NXPE2: variants seen among roughly 807,000 people sequenced by gnomAD.
The protein encoded by NXPE2 is neurexophilin and PC-esterase domain family member 2.
Under a neutral mutation model 34.4 loss-of-function variants are expected in NXPE2, and 34 were observed. The observed-to-expected ratio is 0.99, with a 90% confidence interval of 0.75 to 1.31. The LOEUF is 1.31. Ranked by LOEUF, NXPE2 falls within the 40% of genes most tolerant of loss-of-function variation. The pLI is 0.00. For synonymous variants in NXPE2, 235 were observed against 231.3 expected (o/e 1.02, Z -0.15); for missense variants, 649 against 672.5 (o/e 0.97, Z 0.39).
intron 3 of NXPE2, among the ~76,000 whole-genome samples, chr11:114,699,765 T>C (rs753922218): frequency 2.0e-5 from 3 of 151,366 alleles, no homozygotes; most frequent in Non-Finnish European, 4.4e-5. Context: ...TCTGCGAGCA[T>C]TAAGTGTTAA....
the NXPE2 span, among the ~76,000 whole-genome samples, chr11:114,565,785 G>A: frequency 2.0e-5 from 3 of 152,128 alleles, no homozygotes; most frequent in African/African-American, 7.2e-5. Context: ...AGCTCAGTCT[G>A]GCTACTAGGC....
At chr11:114,810,737 G>T in the NXPE2 span, among the ~76,000 whole-genome samples, 10 of 152,168 alleles carry the variant, frequency 6.6e-5, no homozygotes, top group African/African-American at 2.4e-4. Flanking sequence ...CACATTGTTG[G>T]TGGGACTATA....
the NXPE2 span, among the ~76,000 whole-genome samples, chr11:114,799,476 A>T: frequency 2.0e-5 from 3 of 152,314 alleles, no homozygotes; most frequent in South Asian, 6.2e-4. Flanking sequence ...TGAGATGGTG[A>T]TGAAGTGTGA....
the NXPE2 span, among the ~76,000 whole-genome samples, chr11:114,727,387 G>T: frequency 1.3e-5 from 2 of 151,842 alleles, no homozygotes; most frequent in African/African-American, 2.4e-5. Flanking sequence ...CATTCATGAG[G>T]GCTCTGTCCT....
At chr11:114,581,967 C>T in the NXPE2 span, among the ~76,000 whole-genome samples, 1 of 152,146 alleles carries the variant, frequency 6.6e-6, no homozygotes, top group South Asian at 2.1e-4. Context: ...TACAGTTACC[C>T]AGAAGGTATG....
chr11:114,776,645 T>G, the NXPE2 span, among the ~76,000 whole-genome samples: 1 of 152,216 alleles, frequency 6.6e-6, no homozygotes, highest in African/African-American at 2.4e-5. Flanking sequence ...GGTGTTCCCT[T>G]TTTCCTTAAC....
chr11:114,679,712 T>C lies in NXPE2; in HGVS notation c.82T>C (p.Phe28Leu). 6.4e-7 allele frequency: 1 copy of C among 1,550,504 alleles called. No individual in the cohort carries two copies. ...TCGAAAATTACTGCTGATGTTGACA[T>C]TTATCTTAATTTTCTGGATCATTTA... ...IARKLLLMLT[F>L]ILIFWIIYLA... Residue 28 changes from phenylalanine to leucine, a missense_variant, in exon 2 of 6, where the codon TTT becomes CTT. Physicochemically the swap from Phe to Leu is conservative, Grantham distance 22. Transcript: ENST00000389586.
chr11:114,790,179 C>T, the NXPE2 span, among the ~76,000 whole-genome samples: 1 of 152,136 alleles, frequency 6.6e-6, no homozygotes, highest in Non-Finnish European at 1.5e-5. Flanking sequence ...CCTAATAGGG[C>T]TCAGCTAAGC....
At chr11:114,566,986 G>A in the NXPE2 span, among the ~76,000 whole-genome samples, 2 of 152,156 alleles carry the variant, frequency 1.3e-5, no homozygotes, top group African/African-American at 4.8e-5. Flanking sequence ...CCTGTATAGT[G>A]AGCACTTTGC....
chr11:114,557,206 T>C, the NXPE2 span, among the ~76,000 whole-genome samples: 1 of 152,170 alleles, frequency 6.6e-6, no homozygotes, highest in Non-Finnish European at 1.5e-5. Flanking sequence ...CTTTTTGACC[T>C]CTTGTGTATT....
the NXPE2 span, among the ~76,000 whole-genome samples, chr11:114,800,311 T>G: frequency 6.6e-6 from 1 of 152,236 alleles, no homozygotes; most frequent in African/African-American, 2.4e-5. Context: ...TTTTTCTTAC[T>G]CAAAATGCCT....
chr11:114,646,545 G>C, the NXPE2 span, among the ~76,000 whole-genome samples: 1 of 151,864 alleles, frequency 6.6e-6, no homozygotes, highest in Non-Finnish European at 1.5e-5. Flanking sequence ...AATTATAAAA[G>C]TGAGTTATCA....
chr11:114,742,104 T>G, the NXPE2 span, among the ~76,000 whole-genome samples: 1 of 152,184 alleles, frequency 6.6e-6, no homozygotes, highest in African/African-American at 2.4e-5. Flanking sequence ...AAAGCCAGGC[T>G]GGGTGATGAA....
At chr11:114,772,256 G>C in the NXPE2 span, among the ~76,000 whole-genome samples, 1 of 152,134 alleles carries the variant, frequency 6.6e-6, no homozygotes, top group Non-Finnish European at 1.5e-5. Context: ...GAAAAAGGGA[G>C]TTAACCAATA....
chr11:114,682,937 C>T (rs765729400), intron 2 of NXPE2, among the ~76,000 whole-genome samples: 8 of 151,074 alleles, frequency 5.3e-5, no homozygotes, highest in Non-Finnish European at 1.0e-4. Context: ...AACCAAAACC[C>T]GTGAGATGCA....
the NXPE2 span, among the ~76,000 whole-genome samples, chr11:114,798,940 G>A: frequency 6.6e-6 from 1 of 152,144 alleles, no homozygotes; most frequent in Non-Finnish European, 1.5e-5. Context: ...TGCCTCACGC[G>A]CTTTCTCCAC....
At chr11:114,489,801 A>G in the NXPE2 span, among the ~76,000 whole-genome samples, 6 of 152,182 alleles carry the variant, frequency 3.9e-5, no homozygotes, top group African/African-American at 4.8e-5. Context: ...CTGGCACAAG[A>G]CACGGATGCC....
At chr11:114,806,804 A>C in the NXPE2 span, among the ~76,000 whole-genome samples, 4 of 152,004 alleles carry the variant, frequency 2.6e-5, no homozygotes, top group African/African-American at 9.7e-5. Context: ...CAATCTAGCA[A>C]GGCAGGCCAA....
At chr11:114,538,829 G>C in the NXPE2 span, among the ~76,000 whole-genome samples, 5 of 152,182 alleles carry the variant, frequency 3.3e-5, no homozygotes, top group East Asian at 5.8e-4. Context: ...CTTTTACATT[G>C]TTGGTGGGAC....
Sources: gnomAD v4.1 joint callset for allele counts (sites outside exome capture counted in the v4.1 genomes callset) on GRCh38, gnomAD v4.1.1 for gene constraint, MANE v1.5 for transcripts, NCBI Gene and HGNC (gene_info 2026-07-23, HGNC 2026-07-21) for gene names.